Variants in SUPT3H observed in about 807,000 individuals in gnomAD.
SUPT3H encodes the protein transcription initiation protein SPT3 homolog.
A neutral mutation model predicts 44.3 loss-of-function variants in SUPT3H; 44 were observed. The observed-to-expected ratio is 0.99, with a 90% CI of 0.78 to 1.28. SUPT3H has a LOEUF of 1.28. Among genes scored for constraint, SUPT3H ranks in the 50% most tolerant of loss-of-function variants. The pLI is 0.00. For missense variants in SUPT3H, 380 were observed against 387.1 expected (o/e 0.98, Z 0.15); for synonymous variants, 124 against 125.6 (o/e 0.99, Z 0.09).
At chr6:45,032,865 C>A (rs2153525286) in intron 3 of SUPT3H, among the ~76,000 whole-genome samples, 1 of 152,198 alleles carries the variant, frequency 6.6e-6, no homozygotes, top group East Asian at 1.9e-4. Context: ...TACTAGGATG[C>A]AAACTCTCCA....
At chr6:44,964,337 T>C (rs192640307) in intron 6 of SUPT3H, among the ~76,000 whole-genome samples, 2 of 150,860 alleles carry the variant, frequency 1.3e-5, no homozygotes, top group African/African-American at 4.8e-5. Flanking sequence ...CTCCAACCAA[T>C]AAATGGCTGG....
At chr6:45,364,645 G>T (rs1563029276) in intron 2 of SUPT3H, among the ~76,000 whole-genome samples, 1 of 152,244 alleles carries the variant, frequency 6.6e-6, no homozygotes, top group East Asian at 1.9e-4. Flanking sequence ...GATGAACAGA[G>T]CCTTAAGAAA....
chr6:44,841,271 A>G (rs1238552953), intron 10 of SUPT3H, among the ~76,000 whole-genome samples: 1 of 152,234 alleles, frequency 6.6e-6, no homozygotes, highest in African/African-American at 2.4e-5. Flanking sequence ...AGCCATTATT[A>G]TATCTCCTGT....
At chr6:45,068,290 A>C (rs968407509) in intron 3 of SUPT3H, among the ~76,000 whole-genome samples, 5 of 132,540 alleles carry the variant, frequency 3.8e-5, no homozygotes, top group Non-Finnish European at 7.9e-5. Flanking sequence ...AGGAAGGGGA[A>C]TATCACACTC....
At chr6:45,162,083 T>C (rs1809081738) in intron 2 of SUPT3H, among the ~76,000 whole-genome samples, 2 of 152,088 alleles carry the variant, frequency 1.3e-5, no homozygotes, top group Admixed American at 6.6e-5. Context: ...ATGCCACAGT[T>C]TGCTTTCAAG....
At chr6:45,348,931 C>A (rs76626857) in intron 2 of SUPT3H, among the ~76,000 whole-genome samples, 4,481 of 152,196 alleles carry the variant, frequency 0.029, 92 homozygotes, top group Non-Finnish European at 0.047. Context: ...GTCCTTATCA[C>A]AATTTATAAT....
chr6:45,183,592 A>T (rs1322079641), intron 2 of SUPT3H, among the ~76,000 whole-genome samples: 1 of 152,150 alleles, frequency 6.6e-6, no homozygotes, highest in Non-Finnish European at 1.5e-5. Flanking sequence ...CACCAAGTGG[A>T]TGGTACCAAG....
chr6:45,152,211 G>A (rs895436654), intron 2 of SUPT3H, among the ~76,000 whole-genome samples: 13 of 151,978 alleles, frequency 8.6e-5, no homozygotes, highest in African/African-American at 3.1e-4. Context: ...CTATCTCATT[G>A]GCACCACCAT....
intron 2 of SUPT3H, among the ~76,000 whole-genome samples, chr6:45,308,691 T>C (rs1462132110): frequency 2.0e-5 from 3 of 148,890 alleles, no homozygotes; most frequent in Non-Finnish European, 3.0e-5. Flanking sequence ...TGTAAACATA[T>C]GTAAGAAACC....
intron 2 of SUPT3H, among the ~76,000 whole-genome samples, chr6:45,333,073 A>T (rs1447187066): frequency 2.6e-5 from 4 of 151,714 alleles, no homozygotes; most frequent in Non-Finnish European, 4.4e-5. Context: ...TAACTGTCTA[A>T]AGCATGTGAA....
At chr6:44,815,741 A>T (rs958755407) in intron 11 of SUPT3H, among the ~76,000 whole-genome samples, 1 of 152,134 alleles carries the variant, frequency 6.6e-6, no homozygotes, top group South Asian at 2.1e-4. Flanking sequence ...TGAAGACATT[A>T]ACCCTCCTTT....
intron 3 of SUPT3H, among the ~76,000 whole-genome samples, chr6:45,059,283 A>T (rs1362158213): frequency 6.6e-6 from 1 of 152,176 alleles, no homozygotes; most frequent in Admixed American, 6.5e-5. Flanking sequence ...TTGGCTCAAC[A>T]TATGCAAATC....
At chr6:45,306,260 G>T (rs1782982279) in intron 2 of SUPT3H, among the ~76,000 whole-genome samples, 1 of 152,178 alleles carries the variant, frequency 6.6e-6, no homozygotes, top group African/African-American at 2.4e-5. Flanking sequence ...TCCATGCTCA[G>T]CCACAACTTC....
chr6:45,293,989 G>A (rs1282541985), intron 2 of SUPT3H, among the ~76,000 whole-genome samples: 3 of 152,076 alleles, frequency 2.0e-5, no homozygotes, highest in Non-Finnish European at 4.4e-5. Flanking sequence ...ATTCTATGAA[G>A]CCATTATCAC....
chr6:45,310,130 G>A (rs1466409637), intron 2 of SUPT3H, among the ~76,000 whole-genome samples: 2 of 152,182 alleles, frequency 1.3e-5, no homozygotes, highest in African/African-American at 2.4e-5. Flanking sequence ...CAGTTCGCTT[G>A]GGAGCTAAGT....
intron 9 of SUPT3H, among the ~76,000 whole-genome samples, chr6:44,947,992 G>C (rs1411652285): frequency 6.6e-6 from 1 of 152,098 alleles, no homozygotes; most frequent in African/African-American, 2.4e-5. Flanking sequence ...TGTAAGGAAG[G>C]GATCCAGTTT....
At chr6:45,360,340 C>A (rs1380618802) in intron 2 of SUPT3H, among the ~76,000 whole-genome samples, 1 of 152,168 alleles carries the variant, frequency 6.6e-6, no homozygotes, top group African/African-American at 2.4e-5. Context: ...ACAGCATGTT[C>A]TATACAAGCA....
intron 3 of SUPT3H, among the ~76,000 whole-genome samples, chr6:45,067,627 AC>A (rs1302273468): frequency 1.3e-5 from 2 of 151,620 alleles, no homozygotes; most frequent in Non-Finnish European, 2.9e-5. Context: ...GAAAAAAAAA[AC>A]AACCCCATCA....
chr6:45,256,361 T>G (rs1295263261), intron 2 of SUPT3H, among the ~76,000 whole-genome samples: 1 of 152,072 alleles, frequency 6.6e-6, no homozygotes, highest in African/African-American at 2.4e-5. Flanking sequence ...GAGGGCCTAT[T>G]CCCCATGAAT....
Sources: allele counts gnomAD v4.1 joint callset (sites outside exome capture counted in the v4.1 genomes callset), GRCh38; gene constraint gnomAD v4.1.1; transcripts MANE v1.5; gene names NCBI Gene and HGNC (gene_info 2026-07-23, HGNC 2026-07-21).